Variants in CPNE4 observed in about 807,000 individuals in gnomAD.
CPNE4 encodes copine-4.
In CPNE4, 25 loss-of-function variants were observed where a neutral mutation model predicts 67.9. The ratio of observed to expected loss-of-function variants is 0.37; its 90% CI spans 0.27 to 0.51. The LOEUF is 0.51. CPNE4 is among the 20% of genes least tolerant of loss of function. The pLI is 0.93. For synonymous variants in CPNE4, 242 were observed against 244.9 expected, an observed-to-expected ratio of 0.99 and a Z score of 0.11; for missense variants, 464 against 690.8, an observed-to-expected ratio of 0.67 and a Z score of 3.68.
intron 7 of CPNE4, among the ~76,000 whole-genome samples, chr3:131,657,128 A>T (rs1197415182): frequency 6.6e-6 from 1 of 152,198 alleles, no homozygotes; most frequent in East Asian, 1.9e-4. Flanking sequence ...ACTATTTATT[A>T]TTAATAATTG....
chr3:131,988,543 G>A (rs536861590), intron 1 of CPNE4, among the ~76,000 whole-genome samples: 5 of 152,222 alleles, frequency 3.3e-5, no homozygotes, highest in African/African-American at 9.6e-5. Context: ...CCTAGTTTAC[G>A]GATATTCATG....
chr3:131,925,131 C>A (rs2070858021), intron 1 of CPNE4, among the ~76,000 whole-genome samples: 1 of 149,698 alleles, frequency 6.7e-6, no homozygotes, highest in South Asian at 2.1e-4. Flanking sequence ...CTCTCTCTCT[C>A]TGATTCTCTC....
intron 1 of CPNE4, among the ~76,000 whole-genome samples, chr3:131,918,115 T>C (rs972062210): frequency 6.6e-6 from 1 of 152,198 alleles, no homozygotes; most frequent in Non-Finnish European, 1.5e-5. Flanking sequence ...ATTTTACAAA[T>C]GAGAAAATTG....
rs1169698024 is a variant in CPNE4 at position 131,978,106 on chromosome 3, TATA to T, written c.-2+56458_-2+56460del. 5.4e-4 allele frequency among the ~76,000 whole-genome samples: 31 copies of T among 57,282 alleles called. 3 individuals carry two copies. The highest frequency in any genetic ancestry group is 3.6e-3 in the African/African-American group (31 of 8,502). The allele number at this position is 57,282 out of a possible 152,430, so 37.6% of individuals were successfully genotyped here. A position where few individuals can be genotyped will look rare whatever the true frequency, so the allele number is the denominator to read the frequency against. ...ATATATAAATATATATATAAATATA[TATA>T]AAATATATATAAATATATATATTTA... On this transcript the variant is annotated intron_variant, in intron 1 of 15. Transcript: ENST00000429747.
At chr3:131,999,454 G>A in intron 1 of CPNE4, among the ~76,000 whole-genome samples, 1 of 151,924 alleles carries the variant, frequency 6.6e-6, no homozygotes, top group Non-Finnish European at 1.5e-5. Context: ...ATGCAAAAGA[G>A]AGTACATACT....
chr3:131,641,866 T>C (rs998868245), intron 7 of CPNE4, among the ~76,000 whole-genome samples: 7 of 152,206 alleles, frequency 4.6e-5, no homozygotes, highest in African/African-American at 1.7e-4. Context: ...GCAACCTGGA[T>C]GGAATTGGAG....
intron 1 of CPNE4, among the ~76,000 whole-genome samples, chr3:132,031,267 C>T (rs944797353): frequency 5.9e-5 from 9 of 152,166 alleles, no homozygotes; most frequent in African/African-American, 1.9e-4. Context: ...ATCTAGTGTA[C>T]TGGCTACTGT....
intron 2 of CPNE4, among the ~76,000 whole-genome samples, chr3:131,739,252 C>T (rs1445764307): frequency 6.6e-6 from 1 of 152,108 alleles, no homozygotes. Flanking sequence ...CACACTGGGC[C>T]ATTCCCCTGC....
At position 131,552,508 on chromosome 3, in the gene CPNE4, A is replaced by T; in HGVS notation, c.1117-17T>A. On this transcript the variant is annotated splice_polypyrimidine_tract_variant and intron_variant, in intron 12 of 15. Coordinates refer to ENST00000429747, the MANE Select transcript of CPNE4 (RefSeq NM_130808.3). ...ATGAGAGACCTAGACACCGATTAAAATTTAAAAAACAGGAAGAAAGAAGAA... is the reference window on the plus strand; with the variant it reads ...ATGAGAGACCTAGACACCGATTAAATTTTAAAAAACAGGAAGAAAGAAGAA... The T allele has an allele frequency of 6.2e-7, 1 of 1,608,492 alleles. No individual in the cohort carries two copies. The highest frequency in any genetic ancestry group is 8.5e-7 in the Non-Finnish European group (1 of 1,175,720).
intron 1 of CPNE4, among the ~76,000 whole-genome samples, chr3:131,978,554 A>ATG (rs1234218968): frequency 1.1e-5 from 1 of 92,210 alleles, no homozygotes; most frequent in Non-Finnish European, 2.1e-5. Context: ...ATATATATAT[A>ATG]TATATGCCAC....
chr3:131,948,929 T>C (rs1020122317), intron 1 of CPNE4, among the ~76,000 whole-genome samples: 1 of 152,156 alleles, frequency 6.6e-6, no homozygotes, highest in South Asian at 2.1e-4. Context: ...ACCAGTATCA[T>C]TATGTGAAGA....
At chr3:131,766,715 C>T (rs549334095) in intron 2 of CPNE4, among the ~76,000 whole-genome samples, 1 of 152,090 alleles carries the variant, frequency 6.6e-6, no homozygotes, top group South Asian at 2.1e-4. Flanking sequence ...TACAGCCGTA[C>T]AAAATGCTCG....
chr3:131,708,831 G>A (rs1185906555), intron 3 of CPNE4, among the ~76,000 whole-genome samples: 4 of 151,722 alleles, frequency 2.6e-5, no homozygotes, highest in Non-Finnish European at 5.9e-5. Flanking sequence ...GAAAGGGGCA[G>A]TGTAAGTTGC....
At chr3:131,946,626 T>A (rs545203754) in intron 1 of CPNE4, among the ~76,000 whole-genome samples, 40 of 152,292 alleles carry the variant, frequency 2.6e-4, no homozygotes, top group African/African-American at 9.4e-4. Context: ...TGAGAGTTCT[T>A]TATATAGTCT....
intron 1 of CPNE4, among the ~76,000 whole-genome samples, chr3:131,953,944 C>A (rs2071857709): frequency 6.6e-6 from 1 of 152,096 alleles, no homozygotes; most frequent in African/African-American, 2.4e-5. Flanking sequence ...TGATTGATAT[C>A]CTAAACATCC....
At chr3:131,666,495 G>A (rs1308431958) in intron 7 of CPNE4, among the ~76,000 whole-genome samples, 3 of 152,020 alleles carry the variant, frequency 2.0e-5, no homozygotes, top group Non-Finnish European at 4.4e-5. Flanking sequence ...AGAAAGCAAG[G>A]ACGTTATCAA....
intron 2 of CPNE4, among the ~76,000 whole-genome samples, chr3:131,842,746 A>G (rs73203843): frequency 4.7e-4 from 70 of 149,792 alleles, no homozygotes; most frequent in African/African-American, 9.8e-4. Flanking sequence ...AAAAAAAAAA[A>G]AAAGAAAAAG....
At chr3:131,898,770 G>C (rs56067254) in intron 2 of CPNE4, among the ~76,000 whole-genome samples, 11,479 of 152,036 alleles carry the variant, frequency 0.076, 580 homozygotes, top group East Asian at 0.17. Context: ...ATTTGATTTT[G>C]TTTTCTTTTA....
chr3:132,027,426 T>A (rs1305932174), intron 1 of CPNE4, among the ~76,000 whole-genome samples: 1 of 152,152 alleles, frequency 6.6e-6, no homozygotes, highest in Non-Finnish European at 1.5e-5. Flanking sequence ...TCCCATCTTT[T>A]TAAAATTAAA....
Sources: gnomAD v4.1 joint callset for allele counts (sites outside exome capture counted in the v4.1 genomes callset) on GRCh38, gnomAD v4.1.1 for gene constraint, MANE v1.5 for transcripts, NCBI Gene and HGNC (gene_info 2026-07-23, HGNC 2026-07-21) for gene names.